GSG1L: variants seen among roughly 807,000 people sequenced by gnomAD.
The protein encoded by GSG1L is germ cell-specific gene 1-like protein.
Under a neutral mutation model 42.1 loss-of-function variants are expected in GSG1L, and 24 were observed. That is an observed-to-expected ratio of 0.57 (90% confidence interval 0.41 to 0.80). The LOEUF (loss-of-function observed/expected upper bound fraction) is 0.80, where lower values mean the gene tolerates loss of function less well. GSG1L is among the 30% of genes least tolerant of loss of function. GSG1L has a pLI of 0.00. For missense variants in GSG1L, 445 were observed against 472.2 expected (o/e 0.94, Z 0.53); for synonymous variants, 215 against 203.5 (o/e 1.06, Z -0.48).
chr16:27,851,498 T>C (rs2083514907), intron 3 of GSG1L, among the ~76,000 whole-genome samples: 1 of 151,998 alleles, frequency 6.6e-6, no homozygotes, highest in South Asian at 2.1e-4. Context: ...CCCTGCTGGA[T>C]CTGAGTTCTT....
At chr16:27,913,981 C>T (rs1169745448) in intron 2 of GSG1L, among the ~76,000 whole-genome samples, 4 of 146,544 alleles carry the variant, frequency 2.7e-5, no homozygotes, top group Admixed American at 1.4e-4. Flanking sequence ...AGCCTATTTC[C>T]TTCCAGTTTT....
At chr16:28,022,560 C>T (rs549298919) in intron 1 of GSG1L, among the ~76,000 whole-genome samples, 10 of 152,222 alleles carry the variant, frequency 6.6e-5, no homozygotes, top group East Asian at 3.9e-4. Flanking sequence ...CTGCAGGCTC[C>T]GCCTTCTGGG....
At chr16:27,942,147 C>CTTCT (rs759283760) in intron 2 of GSG1L, among the ~76,000 whole-genome samples, 19 of 115,976 alleles carry the variant, frequency 1.6e-4, no homozygotes, top group African/African-American at 6.1e-4. Flanking sequence ...AAAACTTCTT[C>CTTCT]TTTTTTTTTT....
intron 2 of GSG1L, among the ~76,000 whole-genome samples, chr16:27,944,621 CAA>C (rs34204819): frequency 6.1e-4 from 68 of 111,516 alleles, no homozygotes; most frequent in Admixed American, 7.5e-4. Flanking sequence ...GACTCTGCCT[CAA>C]AAAAAAAAAA....
chr16:27,818,528 G>A (rs767851327), intron 5 of GSG1L, among the ~76,000 whole-genome samples: 11 of 152,032 alleles, frequency 7.2e-5, no homozygotes, highest in Non-Finnish European at 1.2e-4. Flanking sequence ...AAGTGTTACC[G>A]AGAAATAAAC....
intron 2 of GSG1L, among the ~76,000 whole-genome samples, chr16:27,890,257 G>C (rs565301348): frequency 6.6e-6 from 1 of 152,288 alleles, no homozygotes; most frequent in South Asian, 2.1e-4. Flanking sequence ...CGGTTCTCAG[G>C]GATGCCATAC....
chr16:28,063,520 G>T lies in GSG1L; in HGVS notation c.-96C>A. The T allele has an allele frequency of 2.6e-6, 2 of 766,178 alleles. No homozygotes were observed. The highest frequency in any genetic ancestry group is 3.3e-6 in the Non-Finnish European group (2 of 605,714). 47.5% of individuals were successfully genotyped at this position (766,178 alleles called of 1,614,324 possible). A position where few individuals can be genotyped will look rare whatever the true frequency, so the allele number is the denominator to read the frequency against. ...CGCGTCAGCGGCCGCTGCCCGCCGC[G>T]CCCCGGGGCTCGGGTGCCTGAGATC... On this transcript the variant is annotated 5_prime_UTR_variant, in exon 1 of 7. Coordinates refer to ENST00000447459, the MANE Select transcript of GSG1L (RefSeq NM_001109763.2). The surrounding 1 kb of genome is among the most constrained non-coding windows in gnomAD (Gnocchi z 5.8).
chr16:27,829,116 C>G (rs1405422141), intron 4 of GSG1L, among the ~76,000 whole-genome samples, 160 bp from the exon 5 acceptor site: 1 of 152,220 alleles, frequency 6.6e-6, no homozygotes, highest in African/African-American at 2.4e-5. Flanking sequence ...GTCCCTGCCC[C>G]ACTCGCAGTC....
chr16:27,859,917 AGCAGCTCTCCC>A (rs1401735545), intron 3 of GSG1L, among the ~76,000 whole-genome samples: 2 of 151,586 alleles, frequency 1.3e-5, no homozygotes, highest in African/African-American at 4.9e-5. Context: ...CTTGGCCTCG[AGCAGCTCTCCC>A]GCCTCTGCCT....
intron 1 of GSG1L, among the ~76,000 whole-genome samples, chr16:27,987,560 T>G (rs1048388619): frequency 6.6e-6 from 1 of 152,194 alleles, no homozygotes; most frequent in East Asian, 1.9e-4. Flanking sequence ...AGTTGGTGTG[T>G]TAACTCGGGA....
At chr16:27,943,649 ACTGCAACCT>A (rs2084828647) in intron 2 of GSG1L, among the ~76,000 whole-genome samples, 1 of 127,800 alleles carries the variant, frequency 7.8e-6, no homozygotes, top group South Asian at 2.3e-4. Context: ...ATCTCGACTC[ACTGCAACCT>A]CTGCCTCCAG....
intron 1 of GSG1L, among the ~76,000 whole-genome samples, chr16:28,007,959 A>C (rs1351940893): frequency 6.6e-6 from 1 of 152,204 alleles, no homozygotes. Flanking sequence ...TGCCAGACCA[A>C]GGGTGTTAAG....
intron 3 of GSG1L, among the ~76,000 whole-genome samples, chr16:27,854,722 AC>A (rs1224973295): frequency 6.6e-6 from 1 of 151,930 alleles, no homozygotes; most frequent in Non-Finnish European, 1.5e-5. Context: ...TGTCCTGGAC[AC>A]CCCACATGCC....
chr16:27,994,845 G>A (rs780404104), intron 1 of GSG1L, among the ~76,000 whole-genome samples: 3 of 152,154 alleles, frequency 2.0e-5, no homozygotes, highest in African/African-American at 4.8e-5. Flanking sequence ...TGCACATAAC[G>A]GAGCACCATT....
Position 27,873,551 on chromosome 16 carries a change from C to T in GSG1L, c.550+10935G>A, listed in dbSNP as rs144728600. On this transcript the variant is annotated intron_variant, in intron 3 of 6. Transcript: ENST00000447459. Reference sequence around the variant, plus strand: ...GATGATAACAACAAAGATCAAACCCCGCCCCCTCTTTGCCAGATGTTGCAT... The same window carrying T: ...GATGATAACAACAAAGATCAAACCCTGCCCCCTCTTTGCCAGATGTTGCAT... 8.5e-5 allele frequency among the ~76,000 whole-genome samples: 13 copies of T among 152,286 alleles called. No homozygotes were observed. In the East Asian group the frequency reaches 1.2e-3, roughly 14 times the overall value.
intron 1 of GSG1L, among the ~76,000 whole-genome samples, chr16:28,044,255 T>C (rs1322923927): frequency 6.6e-6 from 1 of 151,882 alleles, no homozygotes; most frequent in Non-Finnish European, 1.5e-5. Context: ...CACACGCCTG[T>C]AATCCCAGCA....
chr16:28,063,238 C>A lies in GSG1L; in HGVS notation c.187G>T (p.Gly63Cys), dbSNP rs1368817433. The A allele has an allele frequency of 3.1e-6, 4 of 1,275,304 alleles. No individual in the cohort carries two copies. In the African/African-American group the frequency reaches 4.7e-5, roughly 15 times the overall value. 79.0% of individuals were successfully genotyped at this position (1,275,304 alleles called of 1,614,324 possible). ...GCGGCGGCGGCGGGGGCGGCGGTGC[C>A]GTTGGCCGTGGCGTTGGCGCCCGAG... ...PNSGANATAN[G>C]TAAPAAAAAA... is the part of the protein sequence containing the mutation. The change falls in exon 1 of 7, where the codon GGC becomes TGC. Residue 63 changes from glycine to cysteine, a missense_variant. This residue lies in a region of GSG1L where 156 missense variants were observed against 128.3 expected (regional missense o/e 1.22). Transcript: ENST00000447459. The surrounding 1 kb of genome is among the most constrained non-coding windows in gnomAD (Gnocchi z 5.8).
chr16:27,939,103 T>C (rs1268512050), intron 2 of GSG1L, among the ~76,000 whole-genome samples: 2 of 151,946 alleles, frequency 1.3e-5, no homozygotes, highest in African/African-American at 2.4e-5. Flanking sequence ...AGCTCAAGGG[T>C]AGCAAACATT....
chr16:27,939,285 C>G (rs2084758512), intron 2 of GSG1L, among the ~76,000 whole-genome samples: 2 of 152,058 alleles, frequency 1.3e-5, no homozygotes, highest in Non-Finnish European at 2.9e-5. Context: ...CCACACCCAG[C>G]TTTTTTAAAA....
Sources: gnomAD v4.1 joint callset for allele counts (sites outside exome capture counted in the v4.1 genomes callset) on GRCh38, gnomAD v4.1.1 for gene constraint, gnomAD v4.1.1 regional missense constraint, Gnocchi (gnomAD v3.1) non-coding constraint, MANE v1.5 for transcripts, NCBI Gene and HGNC (gene_info 2026-07-23, HGNC 2026-07-21) for gene names.